METTL13: variants seen among roughly 807,000 people sequenced by gnomAD.
The protein encoded by METTL13 is methyltransferase 13, eEF1A N-terminus and K55.
In METTL13, 52 loss-of-function variants were observed where a neutral mutation model predicts 67.4. The observed-to-expected ratio is 0.77, with a 90% confidence interval of 0.62 to 0.97. The LOEUF (loss-of-function observed/expected upper bound fraction) is 0.97. METTL13 is among the 50% of genes least tolerant of loss of function. The pLI, the probability that METTL13 is intolerant of heterozygous loss-of-function variation, is 0.00. For synonymous variants in METTL13, 354 were observed against 353.6 expected, an observed-to-expected ratio of 1.00 and a Z score of -0.01; for missense variants, 825 against 889.6, an observed-to-expected ratio of 0.93 and a Z score of 0.92.
At chr1:171,786,181 C>T (rs1046204391) in intron 3 of METTL13, 103 bp downstream of exon 3, 70 of 1,238,580 alleles carry the variant, frequency 5.7e-5, no homozygotes, top group Non-Finnish European at 7.4e-5. Flanking sequence ...GTCTGTGACT[C>T]TTCATCTAAT....
Position 171,784,388 on chromosome 1 carries a change from G to T in METTL13, c.802G>T (p.Val268Leu). 1 of 1,567,032 alleles carries T rather than the reference G, an allele frequency of 6.4e-7. No individual in the cohort carries two copies. Reference sequence around the variant, plus strand: ...GCGCCGCAAGGCCAGGCTGGGGAGTGTGTCTCTGGACTTGTGCGATGGGGA... The same window carrying T: ...GCGCCGCAAGGCCAGGCTGGGGAGTTTGTCTCTGGACTTGTGCGATGGGGA... ...QLRRKARLGSVSLDLCDGDTG... is the reference protein window; with the variant it reads ...QLRRKARLGSLSLDLCDGDTG... The change falls in exon 2 of 8, where the codon GTG (valine) becomes TTG (leucine). Residue 268 changes from valine to leucine, a missense_variant. Val to Leu is a conservative substitution (Grantham distance 32). Transcript: ENST00000361735.
intron 5 of METTL13, among the ~76,000 whole-genome samples, 162 bp from the exon 6 acceptor site, chr1:171,791,855 C>A (rs1415964663): frequency 6.6e-6 from 1 of 152,146 alleles, no homozygotes; most frequent in Non-Finnish European, 1.5e-5. Flanking sequence ...TATCAGATGT[C>A]AAATTCACTC....
intron 4 of METTL13, among the ~76,000 whole-genome samples, chr1:171,789,538 T>G (rs917373983): frequency 4.6e-5 from 7 of 152,176 alleles, no homozygotes; most frequent in African/African-American, 1.7e-4. Context: ...TACTTAACAC[T>G]TCAGTGGCTT....
In METTL13 at chr1:171,781,902, A is replaced by C; in HGVS notation, c.-66A>C. On this transcript the variant is annotated 5_prime_UTR_variant, in exon 1 of 8. Coordinates refer to ENST00000361735, the MANE Select transcript of METTL13 (RefSeq NM_015935.5). ...TCCCGGAGCCTGCGTGTGGTGGGCA[A>C]GCTCCTCAAATGGTATCTCACAGGG... 1 of 1,588,938 alleles carries C rather than the reference A, an allele frequency of 6.3e-7. No homozygotes were observed. The highest frequency in any genetic ancestry group is 1.3e-5 in the African/African-American group (1 of 74,102).
At chr1:171,793,485 C>T (rs1197596592) in intron 6 of METTL13, among the ~76,000 whole-genome samples, 1 of 152,184 alleles carries the variant, frequency 6.6e-6, no homozygotes, top group African/African-American at 2.4e-5. Context: ...TATTGTTTTC[C>T]TTGGACTTTG....
rs1657170518 is a variant in METTL13 at position 171,790,546 on chromosome 1, C to A, written c.1404C>A (p.Tyr468Ter). Reference sequence around the variant, plus strand: ...CGGGGCAGTCCATTGATAAGAGTTACCTGTGTTGTGAACACCACAAAGCCA... The same window carrying A: ...CGGGGCAGTCCATTGATAAGAGTTAACTGTGTTGTGAACACCACAAAGCCA... ...AAPGQSIDKS[Y>*]LCCEHHKAMI... Residue 468 changes from tyrosine (Y) to a stop codon, truncating the protein, a stop_gained, in exon 5 of 8, where the codon TAC becomes TAA. Transcript: ENST00000361735. LOFTEE classifies it high-confidence loss of function. 4 of 1,612,662 alleles carry A rather than the reference C, an allele frequency of 2.5e-6. No individual in the cohort carries two copies. The highest frequency in any genetic ancestry group is 3.4e-6 in the Non-Finnish European group (4 of 1,179,692).
chr1:171,787,628 T>C, intron 3 of METTL13, 107 bp from the exon 4 acceptor site: 1 of 1,027,824 alleles, frequency 9.7e-7, no homozygotes, highest in Non-Finnish European at 1.4e-6. Context: ...AGTTGTTGTC[T>C]AGAACCGTGG....
rs749780365 is a variant in METTL13, at chr1:171,796,498, C to A, written c.1842C>A (p.Asn614Lys). The change falls in exon 8 of 8, where the codon AAC (asparagine) becomes AAA (lysine). Residue 614 changes from asparagine to lysine, a missense_variant. By Grantham distance (94) the Asn-to-Lys change is moderately conservative. Coordinates refer to ENST00000361735, the MANE Select transcript of METTL13 (RefSeq NM_015935.5). ...ACCCTATAGGTGTTTTTATTCTCAA[C>A]CTTGTGTGCCGAGACTTGGGGCTAA... The part of the protein sequence containing the change: ...ILTPEGVFIL[N>K]LVCRDLGLKD... The A allele has an allele frequency of 1.2e-6, 2 of 1,614,038 alleles. No homozygotes were observed. The highest frequency in any genetic ancestry group is 1.7e-6 in the Non-Finnish European group (2 of 1,180,024).
Position 171,790,538 on chromosome 1 carries a change from A to G in METTL13, c.1396A>G (p.Lys466Glu), listed in dbSNP as rs1049541024. The change falls in exon 5 of 8, where the codon AAG becomes GAG. Residue 466 changes from lysine to glutamate, a missense_variant. Physicochemically the swap from Lys to Glu is moderately conservative, Grantham distance 56. Coordinates refer to ENST00000361735, the MANE Select transcript of METTL13 (RefSeq NM_015935.5). ...LPAAPGQSID[K>E]SYLCCEHHKA... ...TGCAGCCCCGGGGCAGTCCATTGAT[A>G]AGAGTTACCTGTGTTGTGAACACCA... The G allele has an allele frequency of 5.6e-6, 9 of 1,612,674 alleles. No individual in the cohort carries two copies. Among genetic ancestry groups the G allele is most frequent in the Non-Finnish European group, 6.8e-6 (8 of 1,179,706 alleles).
At chr1:171,794,631 C>A in intron 7 of METTL13, 104 bp downstream of exon 7, 1 of 1,506,232 alleles carries the variant, frequency 6.6e-7, no homozygotes, top group Non-Finnish European at 9.0e-7. Flanking sequence ...TCAATTTTTC[C>A]AAATTTAATA....
intron 1 of METTL13, among the ~76,000 whole-genome samples, chr1:171,782,413 A>G (rs908406088): frequency 2.0e-5 from 3 of 151,572 alleles, no homozygotes; most frequent in Non-Finnish European, 4.4e-5. Flanking sequence ...ACAAAAAATG[A>G]AAAAATTAGC....
In METTL13 at chr1:171,784,386, G is replaced by C. The variant is rs764272823; in HGVS notation, c.800G>C (p.Ser267Thr). 1 of 1,567,732 alleles carries C rather than the reference G, an allele frequency of 6.4e-7. No homozygotes were observed. ...SQLRRKARLG[S>T]VSLDLCDGDT... Reference sequence around the variant, plus strand: ...CTGCGCCGCAAGGCCAGGCTGGGGAGTGTGTCTCTGGACTTGTGCGATGGG... The same window carrying C: ...CTGCGCCGCAAGGCCAGGCTGGGGACTGTGTCTCTGGACTTGTGCGATGGG... The change falls in exon 2 of 8, where the codon AGT becomes ACT. Residue 267 changes from serine to threonine, a missense_variant. Coordinates refer to ENST00000361735, the MANE Select transcript of METTL13 (RefSeq NM_015935.5).
rs1181006549 is a variant in METTL13, at chr1:171,796,933, G to A, written c.*177G>A. 1 of 797,308 alleles carries A rather than the reference G, an allele frequency of 1.3e-6. No homozygotes were observed. Among genetic ancestry groups the A allele is most frequent in the African/African-American group, 1.7e-5 (1 of 57,432 alleles). 49.4% of individuals were successfully genotyped at this position (797,308 alleles called of 1,614,324 possible). ...CCTGAAGATTAGGGAAAATAAAAAT[G>A]TCCTTCCCATCTTGTCCTCTTCAGT... On this transcript the variant is annotated 3_prime_UTR_variant, in exon 8 of 8. Coordinates refer to ENST00000361735, the MANE Select transcript of METTL13 (RefSeq NM_015935.5).
At chr1:171,795,225 T>G (rs770293111) in intron 7 of METTL13, among the ~76,000 whole-genome samples, 10 of 152,222 alleles carry the variant, frequency 6.6e-5, no homozygotes, top group Non-Finnish European at 1.3e-4. Context: ...ATTGCTGTGT[T>G]ATATCATGTA....
chr1:171,791,718 C>T (rs1657212459), intron 5 of METTL13, among the ~76,000 whole-genome samples: 2 of 152,178 alleles, frequency 1.3e-5, no homozygotes, highest in Admixed American at 1.3e-4. Flanking sequence ...CCCACCTCGG[C>T]CTCCCAAAGT....
chr1:171,788,645 C>T (rs1442050943), intron 4 of METTL13, among the ~76,000 whole-genome samples: 3 of 152,066 alleles, frequency 2.0e-5, no homozygotes, highest in Non-Finnish European at 2.9e-5. Flanking sequence ...TTTGTTTTAC[C>T]TGTGTTAGTT....
rs1390973043 is a variant in METTL13 at position 171,790,602 on chromosome 1, C to G, written c.1460C>G (p.Pro487Arg). 1 of 1,567,772 alleles carries G rather than the reference C, an allele frequency of 6.4e-7. No homozygotes were observed. Among genetic ancestry groups the G allele is most frequent in the South Asian group, 1.2e-5 (1 of 83,478 alleles). The change falls in exon 5 of 8, where the codon CCA becomes CGA. Residue 487 changes from proline to arginine, a missense_variant. Pro to Arg is a moderately radical substitution (Grantham distance 103, BLOSUM62 -2). Transcript: ENST00000361735. The stretch of plus-strand genomic sequence containing the variant: ...GCTGGCCTTGCCCTGCTGAGAAACC[C>G]AGAGCTACTCCTAGGTGAGAGAGAT... ...MIAGLALLRN[P>R]ELLLEIPLAL...
rs1467970026 is a variant in METTL13, at chr1:171,792,740, G to A, written c.1693+505G>A. On this transcript the variant is annotated intron_variant, in intron 6 of 7. Coordinates refer to ENST00000361735, the MANE Select transcript of METTL13 (RefSeq NM_015935.5). ...GTCACAAATCGGGGTGGGGGATGTT[G>A]CTACTGACATCTAAACGGTAGAGGT... Among the ~76,000 whole-genome samples the A allele has an allele frequency of 3.3e-5, 5 of 152,220 alleles. No homozygotes were observed. In the East Asian group the frequency reaches 9.6e-4, roughly 29 times the overall value.
rs1026229564 is a variant in METTL13 at position 171,783,784 on chromosome 1, G to A, written c.198G>A (p.Leu66=). Residue 66 remains leucine (L), a synonymous_variant, in exon 2 of 8, where the codon CTG becomes CTA. Coordinates refer to ENST00000361735, the MANE Select transcript of METTL13 (RefSeq NM_015935.5). The part of the protein sequence containing the change: ...GCGNSELSEQ[L]YDVGYRDIVN... The stretch of plus-strand genomic sequence containing the variant: ...GCAACTCAGAACTGAGTGAGCAACT[G>A]TATGATGTGGGCTATCGGGATATAG... 1 of 1,613,770 alleles carries A rather than the reference G, an allele frequency of 6.2e-7. No homozygotes were observed. The highest frequency in any genetic ancestry group is 1.3e-5 in the African/African-American group (1 of 74,930).
Sources: gnomAD v4.1 joint callset for allele counts (sites outside exome capture counted in the v4.1 genomes callset) on GRCh38, gnomAD v4.1.1 for gene constraint, MANE v1.5 for transcripts, NCBI Gene and HGNC (gene_info 2026-07-23, HGNC 2026-07-21) for gene names.